ABHD3: variants seen among roughly 807,000 people sequenced by gnomAD.
The protein encoded by ABHD3 is phospholipase ABHD3.
A neutral mutation model predicts 48.8 loss-of-function variants in ABHD3; 46 were observed. The observed-to-expected ratio is 0.94, with a 90% CI of 0.74 to 1.20. The LOEUF (loss-of-function observed/expected upper bound fraction) is 1.20, where lower values mean the gene tolerates loss of function less well. Among genes scored for constraint, ABHD3 ranks in the 50% most tolerant of loss-of-function variants. The pLI is 0.00. For synonymous variants in ABHD3, 192 were observed against 183.7 expected (o/e 1.04, Z -0.36); for missense variants, 490 against 497.8 (o/e 0.98, Z 0.15).
At position 21,664,164 on chromosome 18, in the gene ABHD3, G is replaced by C. The variant is rs1194283676; in HGVS notation, c.622C>G (p.Leu208Val). The change falls in exon 5 of 9, where the codon CTG becomes GTG. Residue 208 changes from leucine (L) to valine (V), a missense_variant. Transcript: ENST00000289119. The stretch of plus-strand genomic sequence containing the variant: ...GCCAGGAAAGGAGCAGAAGGGTACA[G>C]GCTGTGTACATGGTGAATAACTGTC... ...LETVIHHVHSLYPSAPFLAAG... is the reference protein window; with the variant it reads ...LETVIHHVHSVYPSAPFLAAG... The C allele has an allele frequency of 1.9e-6, 3 of 1,614,026 alleles. No homozygotes were observed. In the African/African-American group the frequency reaches 4.0e-5, roughly 22 times the overall value.
At chr18:21,677,361 ATTT>A (rs564576359) in intron 4 of ABHD3, among the ~76,000 whole-genome samples, 1 of 139,660 alleles carries the variant, frequency 7.2e-6, no homozygotes, top group Non-Finnish European at 1.6e-5. Context: ...CGCCTGGCAA[ATTT>A]TTTTTTTTTT....
intron 3 of ABHD3, chr18:21,702,037 G>T: frequency 4.1e-6 from 1 of 242,132 alleles, no homozygotes; most frequent in Non-Finnish European, 8.1e-6. Flanking sequence ...GGGATGGGGG[G>T]AAGGGCTCAG....
chr18:21,680,235 C>T (rs1383165479), intron 4 of ABHD3, among the ~76,000 whole-genome samples: 3 of 149,490 alleles, frequency 2.0e-5, no homozygotes, highest in African/African-American at 7.4e-5. Flanking sequence ...ACGTTGATCT[C>T]GAACTCCTGG....
chr18:21,656,903 A>G lies in ABHD3; in HGVS notation c.1015T>C (p.Leu339=). The change falls in exon 8 of 9, where the codon TTG becomes CTG. Residue 339 remains leucine (L), a synonymous_variant. Transcript: ENST00000289119. The part of the protein sequence containing the change: ...PRLKSVGIPV[L]CLNSVDDVFS... ...ACATCATCCACAGAATTTAGACACA[A>G]TACTGGAATTCCTACTGACTTCAGT... is the stretch of plus-strand genomic sequence containing the variant. 6.2e-7 allele frequency: 1 copy of G among 1,613,224 alleles called. No individual in the cohort carries two copies. Among genetic ancestry groups the G allele is most frequent in the South Asian group, 1.1e-5 (1 of 90,986 alleles).
chr18:21,697,224 C>T (rs191579002), intron 3 of ABHD3, among the ~76,000 whole-genome samples: 1 of 151,732 alleles, frequency 6.6e-6, no homozygotes, highest in East Asian at 1.9e-4. Flanking sequence ...TACAGGCACG[C>T]ACCACCATAC....
intron 5 of ABHD3, chr18:21,663,620 A>C: frequency 1.3e-6 from 2 of 1,497,968 alleles, no homozygotes; most frequent in Non-Finnish European, 1.8e-6. Flanking sequence ...TTTCTAGGAG[A>C]GCACTCCACA....
chr18:21,677,126 T>C (rs1311565387), intron 4 of ABHD3, among the ~76,000 whole-genome samples: 1 of 152,198 alleles, frequency 6.6e-6, no homozygotes, highest in Non-Finnish European at 1.5e-5. Context: ...ACTCATACAA[T>C]GTGTGGCCTG....
At chr18:21,694,603 T>C (rs748129291) in intron 3 of ABHD3, among the ~76,000 whole-genome samples, 2 of 152,170 alleles carry the variant, frequency 1.3e-5, no homozygotes, top group African/African-American at 4.8e-5. Flanking sequence ...CAGTAAGAAA[T>C]GTCTTAAAAC....
At chr18:21,699,418 G>T (rs552149005) in intron 3 of ABHD3, among the ~76,000 whole-genome samples, 1 of 152,292 alleles carries the variant, frequency 6.6e-6, no homozygotes, top group South Asian at 2.1e-4. Context: ...CAGTACCAAT[G>T]ACTTAGATCA....
chr18:21,664,048 G>C, intron 5 of ABHD3, 70 bp downstream of exon 5: 3 of 1,521,838 alleles, frequency 2.0e-6, no homozygotes, highest in Non-Finnish European at 2.6e-6. Context: ...CTAGCTTATA[G>C]TCCTCTCAAA....
At chr18:21,678,796 A>G (rs2039944903) in intron 4 of ABHD3, among the ~76,000 whole-genome samples, 1 of 152,138 alleles carries the variant, frequency 6.6e-6, no homozygotes, top group South Asian at 2.1e-4. Flanking sequence ...TGAGACTAGG[A>G]CTGTCTGTCT....
At chr18:21,654,431 A>G (rs1279914073) in intron 8 of ABHD3, among the ~76,000 whole-genome samples, 1 of 152,138 alleles carries the variant, frequency 6.6e-6, no homozygotes, top group Non-Finnish European at 1.5e-5. Flanking sequence ...ATAACACTCT[A>G]AAGAATAAAC....
intron 4 of ABHD3, among the ~76,000 whole-genome samples, chr18:21,670,746 A>G (rs1422914094): frequency 6.6e-6 from 1 of 152,132 alleles, no homozygotes; most frequent in Non-Finnish European, 1.5e-5. Context: ...TGGGCATGGT[A>G]GCTCATACCT....
intron 5 of ABHD3, among the ~76,000 whole-genome samples, chr18:21,660,457 T>C (rs925636261): frequency 2.0e-5 from 3 of 152,204 alleles, no homozygotes; most frequent in African/African-American, 7.2e-5. Context: ...CTTTTTGTTC[T>C]ACTAATTTTC....
At chr18:21,663,475 C>A (rs994496721) in intron 5 of ABHD3, among the ~76,000 whole-genome samples, 4 of 150,166 alleles carry the variant, frequency 2.7e-5, no homozygotes, top group East Asian at 1.9e-4. Flanking sequence ...AAAAAAAAAA[C>A]CCCAAAAACA....
intron 3 of ABHD3, among the ~76,000 whole-genome samples, chr18:21,692,328 T>G (rs2040270690): frequency 6.6e-6 from 1 of 152,202 alleles, no homozygotes; most frequent in African/African-American, 2.4e-5. Context: ...TTTCTGCTTT[T>G]TGTTTGGTAA....
chr18:21,703,577 C>A lies in ABHD3; in HGVS notation c.326+7G>T, dbSNP rs374431557. ...GCAGAAATGACTGAAAACGGAAATT[C>A]ACTTACTTCCTGTACTGCACCGGGG... On this transcript the variant is annotated splice_region_variant and intron_variant, in intron 2 of 8. Transcript: ENST00000289119. 1.3e-5 allele frequency: 20 copies of A among 1,587,488 alleles called. No homozygotes were observed. Among genetic ancestry groups the A allele is most frequent in the Non-Finnish European group, 1.7e-5 (20 of 1,160,524 alleles).
intron 4 of ABHD3, among the ~76,000 whole-genome samples, chr18:21,674,408 C>T (rs962220014): frequency 1.3e-5 from 2 of 151,890 alleles, no homozygotes; most frequent in Admixed American, 1.3e-4. Context: ...TGCCCATATC[C>T]AGCTAATTTT....
intron 1 of ABHD3, 69 bp downstream of exon 1, chr18:21,704,435 C>T: frequency 7.9e-7 from 1 of 1,257,936 alleles, no homozygotes; most frequent in Non-Finnish European, 1.0e-6. Context: ...GGCCGCGCAG[C>T]CTCGCGCCGC....
Sources: allele counts gnomAD v4.1 joint callset (sites outside exome capture counted in the v4.1 genomes callset), GRCh38; gene constraint gnomAD v4.1.1; transcripts MANE v1.5; gene names NCBI Gene and HGNC (gene_info 2026-07-23, HGNC 2026-07-21).